Variants in PHF14 observed in about 807,000 individuals in gnomAD.
PHF14 encodes PHD finger protein 14.
Under a neutral mutation model 117.9 loss-of-function variants are expected in PHF14, and 55 were observed. That is an observed-to-expected ratio of 0.47 (90% confidence interval 0.38 to 0.58). PHF14 has a LOEUF of 0.58. PHF14 is among the 20% of genes least tolerant of loss of function. The pLI is 0.00. For synonymous variants in PHF14, 409 were observed against 368.6 expected (o/e 1.11, Z -1.26); for missense variants, 978 against 1,122.2 (o/e 0.87, Z 1.84).
At chr7:11,113,086 C>T (rs1787495827) in intron 17 of PHF14, among the ~76,000 whole-genome samples, 2 of 151,968 alleles carry the variant, frequency 1.3e-5, no homozygotes, top group South Asian at 4.1e-4. Flanking sequence ...TTGGGATTTT[C>T]TCCTACCCCC....
rs370674951 is a variant in PHF14, at chr7:11,079,218, A to T, written c.2654+17133A>T. On this transcript the variant is annotated intron_variant, in intron 16 of 17. Coordinates refer to ENST00000634607, the MANE Select transcript of PHF14 (RefSeq NM_001007157.2). ...AATTCTGCTCTATGTCTCTAGACTG[A>T]CCTCATGTATTATTAATAAAATATC... is the stretch of plus-strand genomic sequence containing the variant. 9.9e-5 allele frequency among the ~76,000 whole-genome samples: 15 copies of T among 152,280 alleles called. No individual in the cohort carries two copies. The East Asian group carries it at 1.5e-3, about 16-fold the overall frequency.
At chr7:11,155,762 G>GT (rs74498732) in intron 17 of PHF14, among the ~76,000 whole-genome samples, 161 of 146,356 alleles carry the variant, frequency 1.1e-3, no homozygotes, top group East Asian at 2.8e-3. Context: ...TATATACAAT[G>GT]TTTTTTTTTT....
At chr7:11,036,714 C>G in intron 9 of PHF14, 26 bp downstream of exon 9, 1 of 1,582,888 alleles carries the variant, frequency 6.3e-7, no homozygotes, top group South Asian at 1.1e-5. Context: ...GGTACATGCA[C>G]ATTTTCACTG....
chr7:11,123,150 C>T (rs1201617836), intron 17 of PHF14, among the ~76,000 whole-genome samples: 1 of 151,958 alleles, frequency 6.6e-6, no homozygotes, highest in Non-Finnish European at 1.5e-5. Context: ...GCATCTATAC[C>T]CAAAGCTCAA....
intron 13 of PHF14, 25 bp from the exon 14 acceptor site, chr7:11,051,587 A>T: frequency 3.8e-6 from 6 of 1,587,082 alleles, no homozygotes; most frequent in Non-Finnish European, 5.1e-6. Flanking sequence ...TAAATGCATG[A>T]CTTAAATTTT....
intron 14 of PHF14, among the ~76,000 whole-genome samples, chr7:11,057,477 C>T (rs1231867792): frequency 2.6e-5 from 4 of 152,026 alleles, no homozygotes; most frequent in Admixed American, 6.5e-5. Flanking sequence ...CAGGATCGAG[C>T]GATTCTCATG....
chr7:11,102,705 T>C, intron 16 of PHF14: 1 of 1,408,930 alleles, frequency 7.1e-7, no homozygotes, highest in Non-Finnish European at 9.2e-7. Context: ...GTTTGTTACT[T>C]GGACTAACAA....
chr7:11,100,048 A>C (rs952329299), intron 16 of PHF14, among the ~76,000 whole-genome samples: 24 of 152,128 alleles, frequency 1.6e-4, no homozygotes, highest in South Asian at 2.1e-4. Flanking sequence ...AGTATGATCC[A>C]ACTTCTAGTT....
At chr7:11,117,592 T>G (rs1009733488) in intron 17 of PHF14, among the ~76,000 whole-genome samples, 2 of 151,298 alleles carry the variant, frequency 1.3e-5, no homozygotes, top group Non-Finnish European at 3.0e-5. Flanking sequence ...TAAATATGTA[T>G]TTATATGTAT....
chr7:11,012,683 T>C (rs531091337), intron 4 of PHF14, among the ~76,000 whole-genome samples: 1 of 152,320 alleles, frequency 6.6e-6, no homozygotes, highest in South Asian at 2.1e-4. Context: ...TCTTTAAGGA[T>C]TTTTATTACA....
intron 16 of PHF14, among the ~76,000 whole-genome samples, chr7:11,089,094 A>T (rs1301261452): frequency 2.0e-5 from 3 of 150,482 alleles, no homozygotes; most frequent in African/African-American, 7.4e-5. Flanking sequence ...TTAATTAGAT[A>T]TAAAAAAAAA....
chr7:11,083,163 G>T (rs772988904), intron 16 of PHF14, among the ~76,000 whole-genome samples: 7 of 152,176 alleles, frequency 4.6e-5, no homozygotes, highest in Non-Finnish European at 1.0e-4. Flanking sequence ...GGCAGGATTT[G>T]CGTCAGGGAT....
chr7:11,043,947 C>A (rs1784579442), intron 13 of PHF14, among the ~76,000 whole-genome samples: 1 of 152,000 alleles, frequency 6.6e-6, no homozygotes, highest in Admixed American at 6.6e-5. Flanking sequence ...TACTGCTCAG[C>A]CTGCAGAGCT....
At position 11,013,306 on chromosome 7, in the gene PHF14, C is replaced by T. The variant is rs564266746; in HGVS notation, c.1046-441C>T. Among the ~76,000 whole-genome samples the T allele has an allele frequency of 1.1e-3, 167 of 152,052 alleles. 2 individuals carry two copies. The highest frequency in any genetic ancestry group is 8.8e-3 in the Admixed American group (134 of 15,262). The stretch of plus-strand genomic sequence containing the variant: ...CTTCTCGAGTAGCTGGGATTCTGGG[C>T]GCCTGCCACCACGCCTGGATAATTT... On this transcript the variant is annotated intron_variant, in intron 4 of 17. Transcript: ENST00000634607.
chr7:11,073,321 A>G (rs1399762792), intron 16 of PHF14, among the ~76,000 whole-genome samples: 1 of 152,236 alleles, frequency 6.6e-6, no homozygotes, highest in African/African-American at 2.4e-5. Flanking sequence ...TTCCCATGTC[A>G]AAAATGAGAA....
chr7:11,063,784 T>G (rs1289350579), intron 16 of PHF14: 3 of 601,572 alleles, frequency 5.0e-6, no homozygotes, highest in African/African-American at 4.0e-5. Flanking sequence ...ATAAAAAAAG[T>G]GCCATCTTCT....
At chr7:11,124,979 C>T (rs2128347173) in intron 17 of PHF14, among the ~76,000 whole-genome samples, 1 of 152,158 alleles carries the variant, frequency 6.6e-6, no homozygotes, top group South Asian at 2.1e-4. Context: ...AAAGATGGTG[C>T]TATGGTATGG....
At chr7:11,126,732 T>C (rs981262210) in intron 17 of PHF14, among the ~76,000 whole-genome samples, 31 of 148,370 alleles carry the variant, frequency 2.1e-4, no homozygotes, top group African/African-American at 7.7e-4. Flanking sequence ...TAGGGTAAAA[T>C]ACAGTTAGCT....
At chr7:10,990,351 C>T (rs1583335568) in intron 3 of PHF14, among the ~76,000 whole-genome samples, 1 of 152,118 alleles carries the variant, frequency 6.6e-6, no homozygotes, top group Admixed American at 6.5e-5. Flanking sequence ...ACTTTGATTA[C>T]TTGTGGATTC....
Sources: allele counts gnomAD v4.1 joint callset (sites outside exome capture counted in the v4.1 genomes callset), GRCh38; gene constraint gnomAD v4.1.1; transcripts MANE v1.5; gene names NCBI Gene and HGNC (gene_info 2026-07-23, HGNC 2026-07-21).